Variants in PAN3 observed in about 807,000 individuals in gnomAD.
PAN3 encodes the protein PAN2-PAN3 deadenylation complex subunit PAN3.
Under a neutral mutation model 96.2 loss-of-function variants are expected in PAN3, and 19 were observed. That is an observed-to-expected ratio of 0.20 (90% CI 0.14 to 0.29). The LOEUF (loss-of-function observed/expected upper bound fraction) is 0.29. Ranked by LOEUF, PAN3 falls within the 10% of genes least tolerant of loss-of-function variation. PAN3 has a pLI of 1.00. For missense variants in PAN3, 882 were observed against 1,108.1 expected, an observed-to-expected ratio of 0.80 and a Z score of 2.90; for synonymous variants, 433 against 406.6, an observed-to-expected ratio of 1.06 and a Z score of -0.78.
chr13:28,164,933 G>A (rs981854480), intron 1 of PAN3, among the ~76,000 whole-genome samples: 5 of 152,002 alleles, frequency 3.3e-5, no homozygotes, highest in African/African-American at 9.7e-5. Context: ...TTTTTAGACC[G>A]AATCTCACTC....
At chr13:28,143,124 T>C (rs1336481585) in intron 1 of PAN3, among the ~76,000 whole-genome samples, 2 of 152,134 alleles carry the variant, frequency 1.3e-5, no homozygotes, top group African/African-American at 4.8e-5. Context: ...GTTTTTGTTT[T>C]TTTTGAGGAG....
At chr13:28,216,716 A>AT (rs1880814414) in intron 5 of PAN3, among the ~76,000 whole-genome samples, 1 of 152,046 alleles carries the variant, frequency 6.6e-6, no homozygotes, top group Non-Finnish European at 1.5e-5. Flanking sequence ...TATGATAACA[A>AT]TTTTTTTCTT....
intron 4 of PAN3, among the ~76,000 whole-genome samples, chr13:28,179,499 G>T (rs1424498072): frequency 7.2e-5 from 11 of 152,148 alleles, no homozygotes; most frequent in Admixed American, 5.9e-4. Context: ...AGAATTGCAT[G>T]AGCCCAGGAG....
chr13:28,194,810 T>C (rs900900045), intron 4 of PAN3, among the ~76,000 whole-genome samples: 2 of 152,148 alleles, frequency 1.3e-5, no homozygotes, highest in African/African-American at 2.4e-5. Flanking sequence ...ATTAGGGTTA[T>C]ATTACTGTAT....
At chr13:28,199,986 T>C (rs1394165668) in intron 5 of PAN3, among the ~76,000 whole-genome samples, 1 of 152,222 alleles carries the variant, frequency 6.6e-6, no homozygotes, top group Non-Finnish European at 1.5e-5. Flanking sequence ...GCGTATTGTC[T>C]TTTGGTATTG....
At position 28,269,277 on chromosome 13, in the gene PAN3, T is replaced by A. The variant is rs116046647; in HGVS notation, c.1793-1424T>A. Among the ~76,000 whole-genome samples the A allele has an allele frequency of 3.6e-3, 550 of 152,254 alleles. 3 individuals are homozygous for A. Among genetic ancestry groups the A allele is most frequent in the African/African-American group, 0.013 (530 of 41,550 alleles). On this transcript the variant is annotated intron_variant, in intron 12 of 18. Coordinates refer to ENST00000380958, the MANE Select transcript of PAN3 (RefSeq NM_175854.8). ...ATAGCATTCTTTTCCAGTAATTTTTTAATCATAATTATTCTGTTTTTGGTG... is the reference window on the plus strand; with the variant it reads ...ATAGCATTCTTTTCCAGTAATTTTTAAATCATAATTATTCTGTTTTTGGTG...
chr13:28,234,262 T>C (rs2138456070), intron 6 of PAN3, among the ~76,000 whole-genome samples: 1 of 152,280 alleles, frequency 6.6e-6, no homozygotes, highest in East Asian at 1.9e-4. Flanking sequence ...AGTGGAGTGA[T>C]CATAATTCAT....
At chr13:28,173,429 T>G (rs545657542) in intron 1 of PAN3, among the ~76,000 whole-genome samples, 101 of 152,320 alleles carry the variant, frequency 6.6e-4, no homozygotes, top group African/African-American at 2.2e-3. Context: ...AAATAAACTT[T>G]TTGTAATTAT....
chr13:28,148,631 C>G (rs1009882768), intron 1 of PAN3, among the ~76,000 whole-genome samples: 1 of 152,288 alleles, frequency 6.6e-6, no homozygotes, highest in East Asian at 1.9e-4. Flanking sequence ...GACACTCTTT[C>G]TAGCTTATTT....
chr13:28,153,035 A>G (rs1384673293), intron 1 of PAN3, among the ~76,000 whole-genome samples: 2 of 152,102 alleles, frequency 1.3e-5, no homozygotes, highest in Non-Finnish European at 2.9e-5. Context: ...GAAACACAGG[A>G]TATATGTACA....
At chr13:28,286,260 G>A (rs1868960630) in intron 17 of PAN3, among the ~76,000 whole-genome samples, 1 of 152,152 alleles carries the variant, frequency 6.6e-6, no homozygotes, top group African/African-American at 2.4e-5. Flanking sequence ...CACACAGAGG[G>A]AAAGCATTTG....
intron 9 of PAN3, among the ~76,000 whole-genome samples, chr13:28,265,339 A>G (rs564566947): frequency 8.5e-5 from 13 of 152,358 alleles, no homozygotes; most frequent in African/African-American, 1.4e-4. Flanking sequence ...AGCTAGGACT[A>G]TAGTCACATG....
At chr13:28,244,355 A>AATATT (rs769245552) in intron 6 of PAN3, among the ~76,000 whole-genome samples, 6 of 152,194 alleles carry the variant, frequency 3.9e-5, no homozygotes, top group Non-Finnish European at 7.3e-5. Flanking sequence ...ATTTAGTCTG[A>AATATT]ATATTCATGT....
At chr13:28,271,074 G>A (rs45555140) in intron 13 of PAN3, among the ~76,000 whole-genome samples, 2,315 of 152,106 alleles carry the variant, frequency 0.015, 62 homozygotes, top group African/African-American at 0.053. Flanking sequence ...AAAATCTTGG[G>A]AAAGGTTAGG....
rs181405696 is a variant in PAN3, at chr13:28,211,383, T to G, written c.853-8848T>G. ...GAAATAATTGTATTGGAGAAATATT[T>G]ATGTAAAATAGACTGTGACTTGGTG... is the stretch of plus-strand genomic sequence containing the variant. On this transcript the variant is annotated intron_variant, in intron 5 of 18. Transcript: ENST00000380958. Among the ~76,000 whole-genome samples, 485 of 152,350 alleles carry G rather than the reference T, an allele frequency of 3.2e-3. 3 individuals carry two copies. The highest frequency in any genetic ancestry group is 0.011 in the African/African-American group (457 of 41,572).
chr13:28,167,694 A>AAT (rs1160153699), intron 1 of PAN3, among the ~76,000 whole-genome samples: 2 of 150,528 alleles, frequency 1.3e-5, no homozygotes, highest in African/African-American at 4.9e-5. Context: ...AAAAAAAAAA[A>AAT]TTAGCTGGGT....
At chr13:28,148,992 C>G (rs1871030592) in intron 1 of PAN3, among the ~76,000 whole-genome samples, 1 of 151,800 alleles carries the variant, frequency 6.6e-6, no homozygotes, top group Non-Finnish European at 1.5e-5. Context: ...TATATTTACA[C>G]AATTATGTGA....
In PAN3 at chr13:28,267,136, A is replaced by G. The variant is rs778441070; in HGVS notation, c.1615A>G (p.Met539Val). The change falls in exon 11 of 19, where the codon ATG becomes GTG. Residue 539 changes from methionine to valine, a missense_variant. Around this residue, in one of 3 missense-constraint regions of PAN3, gnomAD observed 364 missense variants for 513.6 expected, o/e 0.71. Transcript: ENST00000380958. ...VNTKCMVLVD[M>V]WKKIQHSNIV... ...CACAAAGTGCATGGTGTTGGTCGACATGTGGAAGAAAATTCAACACTCAAA... is the reference window on the plus strand; with the variant it reads ...CACAAAGTGCATGGTGTTGGTCGACGTGTGGAAGAAAATTCAACACTCAAA... The G allele has an allele frequency of 2.5e-6, 4 of 1,612,928 alleles. No homozygotes were observed. The highest frequency in any genetic ancestry group is 3.4e-6 in the Non-Finnish European group (4 of 1,178,998).
intron 18 of PAN3, among the ~76,000 whole-genome samples, chr13:28,291,123 A>T (rs1469133590): frequency 6.6e-6 from 1 of 152,210 alleles, no homozygotes; most frequent in African/African-American, 2.4e-5. Flanking sequence ...AAGGATGGCC[A>T]GATTGATTAT....
Sources: gnomAD v4.1 joint callset for allele counts (sites outside exome capture counted in the v4.1 genomes callset) on GRCh38, gnomAD v4.1.1 for gene constraint, gnomAD v4.1.1 regional missense constraint, MANE v1.5 for transcripts, NCBI Gene and HGNC (gene_info 2026-07-23, HGNC 2026-07-21) for gene names.